MINDY3: variants seen among roughly 807,000 people sequenced by gnomAD.
MINDY3 encodes the protein ubiquitin carboxyl-terminal hydrolase MINDY-3.
Under a neutral mutation model 69.2 loss-of-function variants are expected in MINDY3, and 38 were observed. That is an observed-to-expected ratio of 0.55 (90% CI 0.42 to 0.72). MINDY3 has a LOEUF of 0.72. MINDY3 is among the 30% of genes least tolerant of loss of function. The pLI, the probability that MINDY3 is intolerant of heterozygous loss-of-function variation, is 0.00. For synonymous variants in MINDY3, 192 were observed against 180.1 expected, an observed-to-expected ratio of 1.07 and a Z score of -0.53; for missense variants, 522 against 519.0, an observed-to-expected ratio of 1.01 and a Z score of -0.06.
chr10:15,823,077 T>C (rs12258622), intron 8 of MINDY3, among the ~76,000 whole-genome samples: 27,778 of 152,140 alleles, frequency 0.18, 5,434 homozygotes, highest in African/African-American at 0.5. Flanking sequence ...TTAACTCTGT[T>C]ATTTTTGTGG....
chr10:15,815,049 AG>A (rs1235153097), intron 10 of MINDY3, among the ~76,000 whole-genome samples: 3 of 152,340 alleles, frequency 2.0e-5, no homozygotes, highest in East Asian at 3.9e-4. Context: ...TCATATAATT[AG>A]TTTTCCTTAA....
At chr10:15,827,274 G>C (rs973109872) in intron 8 of MINDY3, among the ~76,000 whole-genome samples, 11 of 151,364 alleles carry the variant, frequency 7.3e-5, no homozygotes, top group Non-Finnish European at 1.6e-4. Flanking sequence ...AGGCGCGGTA[G>C]CTCACGCCTG....
At chr10:15,842,668 T>C (rs984727153) in intron 3 of MINDY3, among the ~76,000 whole-genome samples, 80 of 151,878 alleles carry the variant, frequency 5.3e-4, no homozygotes, top group Non-Finnish European at 1.0e-3. Context: ...CAGGAAATTG[T>C]GTAAGTGAAG....
intron 5 of MINDY3, 62 bp from the exon 6 acceptor site, chr10:15,837,380 G>GA (rs770580917): frequency 8.0e-5 from 108 of 1,341,670 alleles, no homozygotes; most frequent in Non-Finnish European, 1.1e-4. Flanking sequence ...TCATAAAAGG[G>GA]AAAATTTTTA....
Position 15,846,824 on chromosome 10 carries a change from C to T in MINDY3, c.174+1040G>A, listed in dbSNP as rs911888890. Among the ~76,000 whole-genome samples the T allele has an allele frequency of 1.8e-4, 27 of 151,512 alleles. No homozygotes were observed. The East Asian group carries it at 5.1e-3, about 28-fold the overall frequency. On this transcript the variant is annotated intron_variant, in intron 2 of 14. Coordinates refer to ENST00000277632, the MANE Select transcript of MINDY3 (RefSeq NM_024948.4). ...CTGCAACATCCACCTCCCAGGTTCA[C>T]GCCATTCTCCTGTCTCAGCCTCCCA...
At chr10:15,813,670 G>A (rs867995897) in intron 10 of MINDY3, among the ~76,000 whole-genome samples, 3 of 152,168 alleles carry the variant, frequency 2.0e-5, no homozygotes, top group Non-Finnish European at 4.4e-5. Flanking sequence ...TCATAAATGA[G>A]TATATGAATG....
intron 9 of MINDY3, among the ~76,000 whole-genome samples, chr10:15,818,495 T>C (rs2131987910): frequency 6.6e-6 from 1 of 152,208 alleles, no homozygotes; most frequent in Non-Finnish European, 1.5e-5. Flanking sequence ...ACCAGTAATT[T>C]CACTCCTGGG....
intron 10 of MINDY3, among the ~76,000 whole-genome samples, chr10:15,809,165 G>C (rs988758212): frequency 1.3e-5 from 2 of 152,020 alleles, no homozygotes; most frequent in African/African-American, 4.8e-5. Flanking sequence ...AAAAGATGAA[G>C]AATCAATGAG....
At chr10:15,848,633 CAAAAAAAAAAAAAA>C (rs10719399) in intron 1 of MINDY3, among the ~76,000 whole-genome samples, 8 of 48,794 alleles carry the variant, frequency 1.6e-4, no homozygotes, top group East Asian at 5.7e-4. Flanking sequence ...GACTTCATCT[CAAAAAAAAAAAAAA>C]AAAAAAAAAA....
intron 10 of MINDY3, among the ~76,000 whole-genome samples, chr10:15,801,349 A>T (rs1449365910): frequency 2.0e-5 from 3 of 152,146 alleles, no homozygotes; most frequent in Non-Finnish European, 4.4e-5. Context: ...GGAAAAGATA[A>T]CACCAGCTGC....
chr10:15,830,604 G>A (rs1840389928), intron 8 of MINDY3, among the ~76,000 whole-genome samples: 1 of 152,190 alleles, frequency 6.6e-6, no homozygotes, highest in Non-Finnish European at 1.5e-5. Context: ...CACCTGAGAG[G>A]CAGATATCTG....
chr10:15,787,850 T>C (rs77358725), intron 12 of MINDY3, among the ~76,000 whole-genome samples: 2,787 of 152,226 alleles, frequency 0.018, 96 homozygotes, highest in African/African-American at 0.064. Flanking sequence ...CATTTGTGTT[T>C]AATTCATTTA....
chr10:15,841,548 C>T lies in MINDY3; in HGVS notation c.287G>A (p.Ser96Asn), dbSNP rs199868057. ...TGATCCAGAGTGGTCACAACAAGCACTTTCTAAAATATCACACAAGGTATG... is the reference window on the plus strand; with the variant it reads ...TGATCCAGAGTGGTCACAACAAGCATTTTCTAAAATATCACACAAGGTATG... ...LCHTLCDILE[S>N]ACCDHSGSYC... The change falls in exon 4 of 15, where the codon AGT becomes AAT. Residue 96 changes from serine (S) to asparagine (N), a missense_variant. Coordinates refer to ENST00000277632, the MANE Select transcript of MINDY3 (RefSeq NM_024948.4). The T allele has an allele frequency of 6.8e-6, 11 of 1,611,476 alleles. No individual in the cohort carries two copies. In the East Asian group the frequency reaches 2.0e-4, roughly 29 times the overall value.
chr10:15,781,922 G>C (rs563325759), intron 14 of MINDY3, among the ~76,000 whole-genome samples: 1 of 152,226 alleles, frequency 6.6e-6, no homozygotes, highest in East Asian at 1.9e-4. Context: ...CTGTATGGGG[G>C]TGTATTTAGT....
At chr10:15,838,364 C>G (rs1490476697) in intron 4 of MINDY3, 85 bp from the exon 5 acceptor site, 1 of 1,204,186 alleles carries the variant, frequency 8.3e-7, no homozygotes, top group East Asian at 2.7e-5. Context: ...TACTTTCAAG[C>G]AATCAAAACT....
At chr10:15,789,168 A>C in intron 12 of MINDY3, 79 bp downstream of exon 12, 1 of 1,176,428 alleles carries the variant, frequency 8.5e-7, no homozygotes, top group Non-Finnish European at 1.2e-6. Flanking sequence ...ATTTTTAAAA[A>C]GGCAAAAAAT....
rs182179483 is a variant in MINDY3, at chr10:15,825,703, T to C, written c.731-3977A>G. On this transcript the variant is annotated intron_variant, in intron 8 of 14. Coordinates refer to ENST00000277632, the MANE Select transcript of MINDY3 (RefSeq NM_024948.4). ...ATAATTGACAAATTAAAGTTGTATATATTTACCGTGTACAACATGTTTTGA... is the reference window on the plus strand; with the variant it reads ...ATAATTGACAAATTAAAGTTGTATACATTTACCGTGTACAACATGTTTTGA... 6.5e-4 allele frequency among the ~76,000 whole-genome samples: 99 copies of C among 152,326 alleles called. No homozygotes were observed. The East Asian group carries it at 0.014, about 21-fold the overall frequency.
intron 8 of MINDY3, among the ~76,000 whole-genome samples, chr10:15,831,835 C>T (rs1840486969): frequency 6.6e-6 from 1 of 152,110 alleles, no homozygotes; most frequent in African/African-American, 2.4e-5. Context: ...ATCACCACAT[C>T]TGGTTAATTT....
chr10:15,785,954 A>G (rs1564452607), intron 13 of MINDY3, among the ~76,000 whole-genome samples: 1 of 152,176 alleles, frequency 6.6e-6, no homozygotes, highest in East Asian at 1.9e-4. Flanking sequence ...AATTTGATTT[A>G]GTGGTAAAAT....
Sources: gnomAD v4.1 joint callset for allele counts (sites outside exome capture counted in the v4.1 genomes callset) on GRCh38, gnomAD v4.1.1 for gene constraint, MANE v1.5 for transcripts, NCBI Gene and HGNC (gene_info 2026-07-23, HGNC 2026-07-21) for gene names.